Variants in MAPK10 observed in about 807,000 individuals in gnomAD.
MAPK10 encodes mitogen-activated protein kinase 10, also known as JNK3 alpha protein kinase.
Under a neutral mutation model 59.3 loss-of-function variants are expected in MAPK10, and 25 were observed. The ratio of observed to expected loss-of-function variants is 0.42; its 90% confidence interval spans 0.31 to 0.59. The LOEUF (loss-of-function observed/expected upper bound fraction) is 0.59. Among genes scored for constraint, MAPK10 ranks in the 20% least tolerant of loss-of-function variants. The pLI is 0.15. For synonymous variants in MAPK10, 190 were observed against 200.5 expected, an observed-to-expected ratio of 0.95 and a Z score of 0.44; for missense variants, 351 against 568.9, an observed-to-expected ratio of 0.62 and a Z score of 3.90.
rs116769342 is a variant in MAPK10 at position 86,392,644 on chromosome 4, A to T, written c.-121-38000T>A. Among the ~76,000 whole-genome samples, 482 of 152,330 alleles carry T rather than the reference A, an allele frequency of 3.2e-3. 2 individuals carry two copies. The highest frequency in any genetic ancestry group is 0.011 in the African/African-American group (442 of 41,576). On this transcript the variant is annotated intron_variant, in intron 1 of 13. Coordinates refer to the MAPK10 transcript ENST00000361569. Reference sequence around the variant, plus strand: ...GAGCAGACTAGCAGATCAAGTGGAGATTATAGTGTTCCATTCTATCCTCAG... The same window carrying T: ...GAGCAGACTAGCAGATCAAGTGGAGTTTATAGTGTTCCATTCTATCCTCAG...
intron 1 of MAPK10, among the ~76,000 whole-genome samples, chr4:86,425,047 G>A (rs574468890): frequency 6.6e-6 from 1 of 152,142 alleles, no homozygotes; most frequent in Non-Finnish European, 1.5e-5. Flanking sequence ...AGGTCAAGAG[G>A]AAGAAGTATA....
At chr4:86,284,478 G>A (rs1360016612) in intron 2 of MAPK10, among the ~76,000 whole-genome samples, 1 of 152,118 alleles carries the variant, frequency 6.6e-6, no homozygotes, top group Non-Finnish European at 1.5e-5. Flanking sequence ...ATAGCTATCA[G>A]CTTCGATGTC....
chr4:86,029,168 T>G (rs767071273), intron 13 of MAPK10, 29 bp downstream of exon 13: 1 of 1,471,002 alleles, frequency 6.8e-7, no homozygotes, highest in Non-Finnish European at 9.5e-7. Context: ...CAAGTACTAG[T>G]TTATTGGTTA....
chr4:86,399,235 A>G (rs1743369241), intron 1 of MAPK10, among the ~76,000 whole-genome samples: 1 of 152,162 alleles, frequency 6.6e-6, no homozygotes, highest in South Asian at 2.1e-4. Context: ...GTGTATAAGC[A>G]TTCCCTTTCC....
intron 3 of MAPK10, chr4:86,192,591 G>A (rs915837769): frequency 6.6e-6 from 1 of 151,738 alleles, no homozygotes; most frequent in African/African-American, 2.4e-5. Context: ...TATGCTTCAC[G>A]AAGTTCTCAC....
At chr4:86,538,241 G>A (rs879804451) in intron 1 of MAPK10, among the ~76,000 whole-genome samples, 15 of 151,982 alleles carry the variant, frequency 9.9e-5, no homozygotes, top group Non-Finnish European at 1.6e-4. Context: ...CTGCCTCCCA[G>A]GTTCAAGCGA....
chr4:86,472,616 C>A (rs1020437700), intron 1 of MAPK10, among the ~76,000 whole-genome samples: 10 of 151,970 alleles, frequency 6.6e-5, no homozygotes, highest in Non-Finnish European at 2.9e-5. Flanking sequence ...TGCACTTCAG[C>A]CTGTGCAACA....
chr4:86,240,036 T>C (rs547684462), intron 2 of MAPK10, among the ~76,000 whole-genome samples: 1 of 152,312 alleles, frequency 6.6e-6, no homozygotes, highest in African/African-American at 2.4e-5. Context: ...CCAGAGACTC[T>C]GGTATGTTGT....
intron 2 of MAPK10, among the ~76,000 whole-genome samples, chr4:86,329,820 T>C (rs1156338886): frequency 1.4e-5 from 2 of 142,434 alleles, no homozygotes; most frequent in Non-Finnish European, 3.1e-5. Flanking sequence ...AAACCCATCA[T>C]ATCTTAAGAA....
intron 1 of MAPK10, among the ~76,000 whole-genome samples, chr4:86,556,021 A>G (rs1760241203): frequency 1.3e-5 from 2 of 152,204 alleles, no homozygotes; most frequent in South Asian, 2.1e-4. Flanking sequence ...ATGAATTTCA[A>G]TGGTTTGAGC....
chr4:86,303,482 T>TAGAA (rs750251746), intron 2 of MAPK10, among the ~76,000 whole-genome samples: 4 of 151,822 alleles, frequency 2.6e-5, no homozygotes, highest in Non-Finnish European at 5.9e-5. Context: ...GTGGGAAAAC[T>TAGAA]AGAAAGAAAG....
intron 2 of MAPK10, among the ~76,000 whole-genome samples, chr4:86,213,127 A>G (rs1372863557): frequency 6.6e-6 from 1 of 152,166 alleles, no homozygotes; most frequent in African/African-American, 2.4e-5. Context: ...TCATAAGGGA[A>G]AATATAAATT....
At chr4:86,489,233 A>G (rs570815240) in intron 1 of MAPK10, among the ~76,000 whole-genome samples, 3 of 152,350 alleles carry the variant, frequency 2.0e-5, no homozygotes, top group African/African-American at 7.2e-5. Flanking sequence ...TGTGAGCTAA[A>G]TAATGACTGC....
At chr4:86,163,167 T>A (rs2070405084) in intron 3 of MAPK10, among the ~76,000 whole-genome samples, 1 of 152,124 alleles carries the variant, frequency 6.6e-6, no homozygotes, top group Non-Finnish European at 1.5e-5. Flanking sequence ...GGCATGGACA[T>A]AATAGCATAG....
chr4:86,374,996 A>G (rs2148996338), intron 1 of MAPK10, among the ~76,000 whole-genome samples: 1 of 152,386 alleles, frequency 6.6e-6, no homozygotes, highest in Non-Finnish European at 1.5e-5. Context: ...ATCAAGACAA[A>G]AACGTGTTCG....
At chr4:86,587,999 G>T (rs1320432702) in intron 1 of MAPK10, among the ~76,000 whole-genome samples, 2 of 152,114 alleles carry the variant, frequency 1.3e-5, no homozygotes, top group Non-Finnish European at 2.9e-5. Flanking sequence ...CTGCACTCCA[G>T]CCTGAGCAAG....
At chr4:86,192,272 T>A (rs1219508804) in intron 3 of MAPK10, 4 of 152,028 alleles carry the variant, frequency 2.6e-5, no homozygotes, top group African/African-American at 9.7e-5. Context: ...TCTCAAGGAG[T>A]ATCTTTGTGG....
chr4:86,123,562 C>A (rs1193774834), intron 4 of MAPK10: 1 of 151,992 alleles, frequency 6.6e-6, no homozygotes, highest in Non-Finnish European at 1.5e-5. Flanking sequence ...CTGGTCTAAG[C>A]AAGTGACATA....
intron 2 of MAPK10, among the ~76,000 whole-genome samples, chr4:86,344,857 C>A (rs1278780944): frequency 6.6e-6 from 1 of 151,994 alleles, no homozygotes; most frequent in Non-Finnish European, 1.5e-5. Context: ...TTTCTAAAGG[C>A]AAATTTTAAA....
Sources: gnomAD v4.1 joint callset for allele counts (sites outside exome capture counted in the v4.1 genomes callset) on GRCh38, gnomAD v4.1.1 for gene constraint, MANE v1.5 for transcripts, NCBI Gene and HGNC (gene_info 2026-07-23, HGNC 2026-07-21) for gene names.